ZNF519: variants seen among roughly 807,000 people sequenced by gnomAD.
The protein encoded by ZNF519 is similar to Zinc finger protein 85 (Zinc finger protein HPF4) (HTF1).
In ZNF519, 7 loss-of-function variants were observed where a neutral mutation model predicts 7.4. That is an observed-to-expected ratio of 0.94 (90% CI 0.54 to 1.77). ZNF519 has a LOEUF of 1.77. Among genes scored for constraint, ZNF519 ranks in the 40% most tolerant of loss-of-function variants. ZNF519 has a pLI of 0.00. For synonymous variants in ZNF519, 179 were observed against 203.3 expected (o/e 0.88, Z 1.02); for missense variants, 586 against 623.1 (o/e 0.94, Z 0.63).
intron 2 of ZNF519, 147 bp from the exon 3 acceptor site, chr18:14,106,556 A>T (rs2046194034): frequency 1.8e-6 from 1 of 550,054 alleles, no homozygotes; most frequent in African/African-American, 1.9e-5. Flanking sequence ...AGATGGCTAA[A>T]TAGAAGGCTC....
intron 2 of ZNF519, among the ~76,000 whole-genome samples, chr18:14,117,428 G>A (rs748130050): frequency 1.3e-5 from 2 of 152,126 alleles, no homozygotes; most frequent in Non-Finnish European, 2.9e-5. Context: ...AATAACAAAT[G>A]TTGTCAAGAG....
At chr18:14,120,643 T>C (rs1192931035) in intron 2 of ZNF519, among the ~76,000 whole-genome samples, 1 of 152,124 alleles carries the variant, frequency 6.6e-6, no homozygotes, top group Non-Finnish European at 1.5e-5. Context: ...TATAAGAAGT[T>C]AATATCCAAA....
At chr18:14,126,895 G>A (rs951163255) in intron 1 of ZNF519, among the ~76,000 whole-genome samples, 2 of 152,176 alleles carry the variant, frequency 1.3e-5, no homozygotes, top group African/African-American at 2.4e-5. Flanking sequence ...GTGCTGGTGA[G>A]AGCGTCCCCA....
intron 2 of ZNF519, among the ~76,000 whole-genome samples, chr18:14,089,633 G>C (rs2046106107): frequency 6.6e-6 from 1 of 152,092 alleles, no homozygotes. Context: ...CAAGTTACAA[G>C]GAGGTATTTT....
intron 3 of ZNF519, among the ~76,000 whole-genome samples, chr18:14,083,969 A>G (rs929575948): frequency 2.0e-5 from 3 of 151,988 alleles, no homozygotes; most frequent in African/African-American, 7.3e-5. Context: ...CCTGTCCCCA[A>G]CCCAGGTCTT....
At chr18:14,081,623 T>C (rs1218794650) in intron 3 of ZNF519, among the ~76,000 whole-genome samples, 2 of 152,186 alleles carry the variant, frequency 1.3e-5, no homozygotes, top group East Asian at 3.8e-4. Context: ...ACCCTTTCTT[T>C]ACAGCCTTCC....
At chr18:14,072,051 A>C (rs1385150672), downstream of ZNF519, 3 of 152,138 alleles carry the variant, frequency 2.0e-5, no homozygotes, top group Non-Finnish European at 4.4e-5. Context: ...ATTTTAAGGA[A>C]TCATATTTGT....
chr18:14,125,837 ACC>A (rs1437857456), intron 1 of ZNF519, among the ~76,000 whole-genome samples: 3 of 152,036 alleles, frequency 2.0e-5, no homozygotes, highest in Admixed American at 6.6e-5. Context: ...GGTGCCCACC[ACC>A]GCACCCAGCT....
At chr18:14,130,533 G>A in intron 1 of ZNF519, among the ~76,000 whole-genome samples, 1 of 152,008 alleles carries the variant, frequency 6.6e-6, no homozygotes, top group Non-Finnish European at 1.5e-5. Flanking sequence ...TCTGGAACAG[G>A]GACATATGAC....
intron 2 of ZNF519, among the ~76,000 whole-genome samples, chr18:14,109,803 G>A (rs1457802323): frequency 1.3e-5 from 2 of 151,982 alleles, no homozygotes; most frequent in Admixed American, 6.6e-5. Flanking sequence ...AATACCATCA[G>A]TATTCTTCAC....
At chr18:14,085,587 A>G (rs1234199900) in intron 2 of ZNF519, among the ~76,000 whole-genome samples, 2 of 152,188 alleles carry the variant, frequency 1.3e-5, no homozygotes, top group Non-Finnish European at 2.9e-5. Flanking sequence ...TTTTAGCACA[A>G]TAAGAAAAGA....
At chr18:14,081,003 G>C (rs1406173808) in intron 3 of ZNF519, among the ~76,000 whole-genome samples, 1 of 152,198 alleles carries the variant, frequency 6.6e-6, no homozygotes, top group African/African-American at 2.4e-5. Flanking sequence ...AATTAGTGGA[G>C]TTTGTGGGGA....
downstream of ZNF519, chr18:14,074,977 A>T (rs2046042037): frequency 6.6e-6 from 1 of 152,268 alleles, no homozygotes; most frequent in Non-Finnish European, 1.5e-5. Context: ...TCAGTTCCAC[A>T]TGGTTGGGGA....
chr18:14,098,306 C>T (rs576642786), downstream of ZNF519, among the ~76,000 whole-genome samples: 1 of 151,926 alleles, frequency 6.6e-6, no homozygotes, highest in South Asian at 2.1e-4. Flanking sequence ...ATTACAGGCA[C>T]CCACCACAAC....
chr18:14,122,943 C>T (rs1305501639), intron 2 of ZNF519, among the ~76,000 whole-genome samples: 4 of 124,486 alleles, frequency 3.2e-5, no homozygotes, highest in Non-Finnish European at 6.5e-5. Context: ...CCCCACCCCA[C>T]GACAGGCCCC....
At chr18:14,097,441 G>A (rs72879714), downstream of ZNF519, among the ~76,000 whole-genome samples, 1,609 of 152,268 alleles carry the variant, frequency 0.011, 15 homozygotes, top group Non-Finnish European at 0.015. Flanking sequence ...TCATCACCTG[G>A]AAATGGCCAT....
At chr18:14,131,838 C>T (rs1020113542) in intron 1 of ZNF519, among the ~76,000 whole-genome samples, 1 of 152,160 alleles carries the variant, frequency 6.6e-6, no homozygotes, top group African/African-American at 2.4e-5. Context: ...CTAGTAGCCC[C>T]CCAACCACAA....
chr18:14,085,169 C>G (rs1389335793), intron 2 of ZNF519: 1 of 152,118 alleles, frequency 6.6e-6, no homozygotes, highest in Non-Finnish European at 1.5e-5. Context: ...TTGGCATACA[C>G]CTTTCAAATA....
intron 2 of ZNF519, among the ~76,000 whole-genome samples, chr18:14,116,982 G>A (rs1485822513): frequency 6.6e-6 from 1 of 152,176 alleles, no homozygotes; most frequent in Non-Finnish European, 1.5e-5. Flanking sequence ...TTGCACTCCA[G>A]CATGGGCAAC....
Sources: gnomAD v4.1 joint callset for allele counts (sites outside exome capture counted in the v4.1 genomes callset) on GRCh38, gnomAD v4.1.1 for gene constraint, MANE v1.5 for transcripts, NCBI Gene and HGNC (gene_info 2026-07-23, HGNC 2026-07-21) for gene names.